The following GPR89A variants were observed in gnomAD, a reference collection of about 807,000 sequenced individuals.
The protein encoded by GPR89A is golgi pH regulator A.
In GPR89A, 16 loss-of-function variants were observed where a neutral mutation model predicts 52.0. That is an observed-to-expected ratio of 0.31 (90% CI 0.21 to 0.47). The LOEUF is 0.47. Among genes scored for constraint, GPR89A ranks in the 20% least tolerant of loss-of-function variants. GPR89A has a pLI of 1.00. For synonymous variants in GPR89A, 55 were observed against 150.9 expected (o/e 0.36, Z 4.66); for missense variants, 135 against 449.4 (o/e 0.30, Z 6.33).
At chr1:145,647,794 A>G in intron 10 of GPR89A, among the ~76,000 whole-genome samples, 1 of 20,206 alleles carries the variant, frequency 4.9e-5, no homozygotes, top group African/African-American at 2.4e-4. Context: ...AGAGGGCGAG[A>G]CTCCATCTCT....
At chr1:145,636,459 A>G (rs1483339834) in intron 7 of GPR89A, among the ~76,000 whole-genome samples, 1 of 150,406 alleles carries the variant, frequency 6.6e-6, no homozygotes, top group African/African-American at 2.5e-5. Flanking sequence ...AAGAAAAGTA[A>G]CATTTGTTAT....
intron 2 of GPR89A, among the ~76,000 whole-genome samples, chr1:145,617,465 T>G (rs1648795013): frequency 6.6e-6 from 1 of 151,686 alleles, no homozygotes; most frequent in Admixed American, 6.6e-5. Flanking sequence ...ACATCCTCAG[T>G]TTACAAAGAT....
intron 9 of GPR89A, chr1:145,646,811 G>A: frequency 3.6e-6 from 1 of 281,314 alleles, no homozygotes; most frequent in South Asian, 3.8e-5. Context: ...TAGGACAGAG[G>A]TTAACATAGG....
Position 145,669,700 on chromosome 1 carries a change from A to G in GPR89A, c.1161+10A>G. 1 of 1,611,478 alleles carries G rather than the reference A, an allele frequency of 6.2e-7. No individual in the cohort carries two copies. Among genetic ancestry groups the G allele is most frequent in the Non-Finnish European group, 8.5e-7 (1 of 1,179,524 alleles). Reference sequence around the variant, plus strand: ...ATTAGCACAGATAATGGTAAGTTTAATTAGTTACCTTTATGTTTACAGCTG... The same window carrying G: ...ATTAGCACAGATAATGGTAAGTTTAGTTAGTTACCTTTATGTTTACAGCTG... On this transcript the variant is annotated intron_variant, in intron 13 of 13. Transcript: ENST00000313835.
chr1:145,662,659 G>GTCCAT (rs1652280398), intron 10 of GPR89A, among the ~76,000 whole-genome samples: 1 of 152,084 alleles, frequency 6.6e-6, no homozygotes, highest in Non-Finnish European at 1.5e-5. Flanking sequence ...ACGCAGCCAA[G>GTCCAT]TCCATTCATT....
chr1:145,617,728 TG>T (rs1468189214), intron 2 of GPR89A, among the ~76,000 whole-genome samples: 1 of 152,060 alleles, frequency 6.6e-6, no homozygotes, highest in Non-Finnish European at 1.5e-5. Context: ...AGGCTGGTGT[TG>T]TTTTTATCTT....
Position 145,619,490 on chromosome 1 carries a change from T to C in GPR89A, c.206+1067T>C, listed in dbSNP as rs188800289. Among the ~76,000 whole-genome samples, 8 of 152,076 alleles carry C rather than the reference T, an allele frequency of 5.3e-5. No homozygotes were observed. The East Asian group carries it at 9.7e-4, about 18-fold the overall frequency. On this transcript the variant is annotated intron_variant, in intron 3 of 13. Transcript: ENST00000313835. Reference sequence around the variant, plus strand: ...AGCAGAGTGTGGTAGTACACGTCTGTAGTGCCAGCTACCCTGGAGGCTGAA... The same window carrying C: ...AGCAGAGTGTGGTAGTACACGTCTGCAGTGCCAGCTACCCTGGAGGCTGAA...
chr1:145,649,030 T>G, intron 10 of GPR89A, among the ~76,000 whole-genome samples: 2 of 147,798 alleles, frequency 1.4e-5, no homozygotes, highest in South Asian at 4.4e-4. Context: ...GGTCTCGATC[T>G]CCTGACCTCG....
At chr1:145,661,670 T>C (rs1553695617) in intron 10 of GPR89A, among the ~76,000 whole-genome samples, 1 of 150,246 alleles carries the variant, frequency 6.7e-6, no homozygotes. Flanking sequence ...TGATTTCTGC[T>C]CTGGTCTTTG....
chr1:145,620,808 C>A (rs1355701308), intron 3 of GPR89A, among the ~76,000 whole-genome samples: 1 of 152,144 alleles, frequency 6.6e-6, no homozygotes, highest in African/African-American at 2.4e-5. Flanking sequence ...TGTTGGGATG[C>A]TTAGTTTTTT....
intron 10 of GPR89A, among the ~76,000 whole-genome samples, chr1:145,654,182 GA>G (rs201344499): frequency 0.046 from 6,999 of 152,134 alleles, 227 homozygotes; most frequent in Middle Eastern, 0.099. Flanking sequence ...TTGCTTGTCT[GA>G]AAAGGATTTT....
rs587611044 is a variant in GPR89A at position 145,608,208 on chromosome 1, C to T, written c.42+33C>T. Reference sequence around the variant, plus strand: ...ACCGCCTCCCGCCCCGACACCCGTCCGCCTCCCTTTACCGAATCGCCCTCT... The same window carrying T: ...ACCGCCTCCCGCCCCGACACCCGTCTGCCTCCCTTTACCGAATCGCCCTCT... On this transcript the variant is annotated intron_variant, in intron 1 of 13. Coordinates refer to ENST00000313835, the MANE Select transcript of GPR89A (RefSeq NM_001097612.2). 9.3e-6 allele frequency: 15 copies of T among 1,613,778 alleles called. No individual in the cohort carries two copies. In the East Asian group the frequency reaches 1.6e-4, roughly 17 times the overall value.
chr1:145,656,206 T>C (rs1341401889), intron 10 of GPR89A, among the ~76,000 whole-genome samples: 1 of 151,960 alleles, frequency 6.6e-6, no homozygotes, highest in Non-Finnish European at 1.5e-5. Context: ...TCTTAGGCAA[T>C]CTCCAGCCTG....
chr1:145,665,114 C>T (rs1418044308), intron 11 of GPR89A, among the ~76,000 whole-genome samples: 17 of 151,952 alleles, frequency 1.1e-4, no homozygotes, highest in Non-Finnish European at 2.4e-4. Flanking sequence ...TTAATTCCTG[C>T]TTTTCGTTTA....
At chr1:145,668,737 A>G (rs1571554853) in intron 12 of GPR89A, among the ~76,000 whole-genome samples, 1 of 152,116 alleles carries the variant, frequency 6.6e-6, no homozygotes, top group East Asian at 1.9e-4. Context: ...CGATTTCGAG[A>G]TACGTCCCAT....
intron 10 of GPR89A, among the ~76,000 whole-genome samples, chr1:145,661,810 A>C (rs1652223458): frequency 2.0e-5 from 3 of 149,442 alleles, no homozygotes; most frequent in African/African-American, 7.4e-5. Context: ...ATGTACTGCT[A>C]TACTAGATCT....
chr1:145,637,034 T>A (rs1287483359), intron 7 of GPR89A, among the ~76,000 whole-genome samples: 1 of 152,198 alleles, frequency 6.6e-6, no homozygotes, highest in Non-Finnish European at 1.5e-5. Flanking sequence ...AATAATGTAT[T>A]TCCACGGTAA....
chr1:145,623,361 T>C, intron 4 of GPR89A: 1 of 671,948 alleles, frequency 1.5e-6, no homozygotes, highest in South Asian at 2.4e-5. Context: ...AATGATTAGG[T>C]TATTTGTTCT....
chr1:145,657,664 T>G (rs1651901003), intron 10 of GPR89A, among the ~76,000 whole-genome samples: 1 of 151,714 alleles, frequency 6.6e-6, no homozygotes, highest in South Asian at 2.1e-4. Context: ...ATTCATTTTT[T>G]TAAAGATACA....
Sources: allele counts gnomAD v4.1 joint callset (sites outside exome capture counted in the v4.1 genomes callset), GRCh38; gene constraint gnomAD v4.1.1; transcripts MANE v1.5; gene names NCBI Gene and HGNC (gene_info 2026-07-23, HGNC 2026-07-21).